The following RANBP17 variants were observed in gnomAD, a reference collection of about 807,000 sequenced individuals.
RANBP17 encodes ran-binding protein 17.
RANBP17 carries 158 observed loss-of-function variants against 141.2 expected under a neutral mutation model. The ratio of observed to expected loss-of-function variants is 1.12; its 90% CI spans 0.98 to 1.28. The LOEUF (loss-of-function observed/expected upper bound fraction) is 1.28, where lower values mean the gene tolerates loss of function less well. Ranked by LOEUF, RANBP17 falls within the 50% of genes most tolerant of loss-of-function variation. RANBP17 has a pLI of 0.00. For missense variants in RANBP17, 1,438 were observed against 1,290.7 expected (o/e 1.11, Z -1.75); for synonymous variants, 430 against 450.0 (o/e 0.96, Z 0.56).
At chr5:170,907,639 T>C (rs1034136100) in intron 5 of RANBP17, among the ~76,000 whole-genome samples, 8 of 152,012 alleles carry the variant, frequency 5.3e-5, no homozygotes, top group African/African-American at 1.9e-4. Context: ...ATTTCTCATC[T>C]TTTAAAATCA....
chr5:170,916,903 A>G (rs1024374308), intron 9 of RANBP17, among the ~76,000 whole-genome samples: 4 of 151,850 alleles, frequency 2.6e-5, no homozygotes, highest in African/African-American at 9.7e-5. Flanking sequence ...TTTAGTGGAG[A>G]TGGGGTTTCA....
intron 14 of RANBP17, among the ~76,000 whole-genome samples, chr5:170,980,569 G>A (rs1777695769): frequency 6.6e-6 from 1 of 152,194 alleles, no homozygotes; most frequent in Non-Finnish European, 1.5e-5. Flanking sequence ...TAGAGCTCAG[G>A]CCACGGCTTC....
chr5:171,176,985 A>G (rs1760525675), intron 16 of RANBP17, among the ~76,000 whole-genome samples: 1 of 152,194 alleles, frequency 6.6e-6, no homozygotes, highest in African/African-American at 2.4e-5. Flanking sequence ...ATTTAGCAAT[A>G]AACAGTAATA....
chr5:170,867,477 G>C (rs558430281), intron 1 of RANBP17, among the ~76,000 whole-genome samples: 1 of 152,056 alleles, frequency 6.6e-6, no homozygotes, highest in Non-Finnish European at 1.5e-5. Flanking sequence ...AGAATTCCAA[G>C]AGATCCAGAT....
chr5:170,997,941 A>G (rs547852688), intron 14 of RANBP17, among the ~76,000 whole-genome samples: 40 of 150,808 alleles, frequency 2.7e-4, no homozygotes, highest in Non-Finnish European at 4.3e-4. Context: ...AAAAAGAAAC[A>G]TATTAATTTT....
Position 171,265,736 on chromosome 5 carries a change from C to T in RANBP17, c.2832C>T (p.Leu944=), listed in dbSNP as rs1262683123. The T allele has an allele frequency of 3.1e-6, 5 of 1,614,056 alleles. No individual in the cohort carries two copies. The South Asian group carries it at 5.5e-5, about 18-fold the overall frequency. The change falls in exon 25 of 28, where the codon CTC becomes CTT. Residue 944 remains leucine, a synonymous_variant. Transcript: ENST00000523189. ...GTTTAGACTACATCGTCACCTACCTCTTCAAGCACATAGCAAAAGAGGGCA... is the reference window on the plus strand; with the variant it reads ...GTTTAGACTACATCGTCACCTACCTTTTCAAGCACATAGCAAAAGAGGGCA... ...CTSLDYIVTY[L]FKHIAKEGKK...
rs200716648 is a variant in RANBP17 at position 171,181,453 on chromosome 5, G to GA, written c.1866-1701dup. Reference sequence around the variant, plus strand: ...GCGACAGAGCGAAGAGTCTGTCTCAGAAAAAAAAAAAAAGAAAAACACAGT... The same window carrying GA: ...GCGACAGAGCGAAGAGTCTGTCTCAGAAAAAAAAAAAAAAGAAAAACACAGT... On this transcript the variant is annotated intron_variant, in intron 16 of 27. Coordinates refer to ENST00000523189, the MANE Select transcript of RANBP17 (RefSeq NM_022897.5). 1.5e-3 allele frequency among the ~76,000 whole-genome samples: 203 copies of GA among 136,646 alleles called. 1 individual carries two copies. Among genetic ancestry groups the GA allele is most frequent in the Middle Eastern group, 0.011 (3 of 270 alleles). 89.6% of individuals were successfully genotyped at this position (136,646 alleles called of 152,430 possible). A position where few individuals can be genotyped will look rare whatever the true frequency, so the allele number is the denominator to read the frequency against.
intron 12 of RANBP17, among the ~76,000 whole-genome samples, chr5:170,932,703 G>A (rs1428122911): frequency 6.6e-6 from 1 of 152,012 alleles, no homozygotes; most frequent in Non-Finnish European, 1.5e-5. Context: ...TTATATGCTG[G>A]ATTACATTTA....
chr5:171,165,138 G>A (rs2127866121), intron 14 of RANBP17, among the ~76,000 whole-genome samples: 1 of 152,190 alleles, frequency 6.6e-6, no homozygotes, highest in African/African-American at 2.4e-5. Context: ...CTGAGTTCGG[G>A]ATCATCATTT....
rs151181442 is a variant in RANBP17, at chr5:170,872,300, T to A, written c.19-5797T>A. 9.1e-3 allele frequency among the ~76,000 whole-genome samples: 1,392 copies of A among 152,286 alleles called. 22 individuals are homozygous for A. The highest frequency in any genetic ancestry group is 0.032 in the African/African-American group (1,328 of 41,544). ...ATTGTGAATGGGAGTTCATTCATGA[T>A]TTGGCTGTCTGCTTGTCTATTGTTG... On this transcript the variant is annotated intron_variant, in intron 1 of 27. Transcript: ENST00000523189.
rs559022164 is a variant in RANBP17, at chr5:171,264,375, A to AT, written c.2777-1304dup. On this transcript the variant is annotated intron_variant, in intron 24 of 27. Coordinates refer to ENST00000523189, the MANE Select transcript of RANBP17 (RefSeq NM_022897.5). Reference sequence around the variant, plus strand: ...TTATTCATGTAACCAAAAACCACCTATTCCCCAAAAATTATTGGAAAAAAA... The same window carrying AT: ...TTATTCATGTAACCAAAAACCACCTATTTCCCCAAAAATTATTGGAAAAAAA... Among the ~76,000 whole-genome samples the AT allele has an allele frequency of 1.3e-3, 198 of 152,198 alleles. 9 individuals are homozygous for AT. In the South Asian group the frequency reaches 0.04, roughly 31 times the overall value.
intron 14 of RANBP17, among the ~76,000 whole-genome samples, chr5:171,087,057 G>A (rs1257444486): frequency 8.2e-6 from 1 of 121,758 alleles, no homozygotes; most frequent in African/African-American, 3.2e-5. Flanking sequence ...TGTGATGTTA[G>A]GGTGTCAATT....
intron 14 of RANBP17, among the ~76,000 whole-genome samples, chr5:171,132,535 G>A (rs1459469910): frequency 6.6e-6 from 1 of 151,932 alleles, no homozygotes; most frequent in Non-Finnish European, 1.5e-5. Flanking sequence ...CCAGTCTAGG[G>A]ACATAGGGGG....
chr5:171,215,069 A>C (rs1834946), intron 21 of RANBP17, among the ~76,000 whole-genome samples: 176 of 145,572 alleles, frequency 1.2e-3, no homozygotes, highest in Admixed American at 3.1e-3. Flanking sequence ...CCCATCCCCC[A>C]ACAGGCCCCG....
Position 170,977,490 on chromosome 5 carries a change from T to TA in RANBP17, c.1710+9114dup, listed in dbSNP as rs1404930847. On this transcript the variant is annotated intron_variant, in intron 14 of 27. Coordinates refer to ENST00000523189, the MANE Select transcript of RANBP17 (RefSeq NM_022897.5). ...TACCATGATTCAGTATTTCTACTCT[T>TA]ATGTATATATCCAAGAAAATGGAAA... Among the ~76,000 whole-genome samples the TA allele has an allele frequency of 7.9e-5, 12 of 152,240 alleles. No individual in the cohort carries two copies. In the East Asian group the frequency reaches 2.1e-3, roughly 27 times the overall value.
chr5:171,244,512 T>C (rs1765092232), intron 24 of RANBP17, among the ~76,000 whole-genome samples: 1 of 152,208 alleles, frequency 6.6e-6, no homozygotes, highest in African/African-American at 2.4e-5. Flanking sequence ...AGTGATGCAA[T>C]CTCATCTTAC....
intron 14 of RANBP17, among the ~76,000 whole-genome samples, chr5:171,121,273 G>A (rs953472013): frequency 2.0e-5 from 3 of 152,228 alleles, no homozygotes; most frequent in African/African-American, 7.2e-5. Flanking sequence ...TGGGACATGG[G>A]TGCATAACTG....
chr5:170,905,338 G>A (rs772649916), intron 5 of RANBP17, among the ~76,000 whole-genome samples: 7 of 152,114 alleles, frequency 4.6e-5, no homozygotes, highest in Non-Finnish European at 7.4e-5. Context: ...ATGTGTTTGC[G>A]TGTGGGCATG....
At chr5:170,966,914 A>C (rs375189012) in intron 13 of RANBP17, among the ~76,000 whole-genome samples, 1 of 152,326 alleles carries the variant, frequency 6.6e-6, no homozygotes, top group East Asian at 1.9e-4. Flanking sequence ...ACAAACAGAG[A>C]TCCAAATCAT....
Sources: allele counts gnomAD v4.1 joint callset (sites outside exome capture counted in the v4.1 genomes callset), GRCh38; gene constraint gnomAD v4.1.1; transcripts MANE v1.5; gene names NCBI Gene and HGNC (gene_info 2026-07-23, HGNC 2026-07-21).